Variants in ADCY2 observed in about 807,000 individuals in gnomAD.
The protein encoded by ADCY2 is adenylate cyclase type 2.
In ADCY2, 31 loss-of-function variants were observed where a neutral mutation model predicts 125.2. The ratio of observed to expected loss-of-function variants is 0.25; its 90% CI spans 0.19 to 0.33. The LOEUF (loss-of-function observed/expected upper bound fraction) is 0.33, where lower values mean the gene tolerates loss of function less well. Ranked by LOEUF, ADCY2 falls within the 10% of genes least tolerant of loss-of-function variation. The pLI, the probability that ADCY2 is intolerant of heterozygous loss-of-function variation, is 1.00. For synonymous variants in ADCY2, 512 were observed against 548.4 expected (o/e 0.93, Z 0.93); for missense variants, 904 against 1,418.2 (o/e 0.64, Z 5.82).
Position 7,461,707 on chromosome 5 carries a change from T to TGA in ADCY2, c.408+46938_408+46939insAG, listed in dbSNP as rs1299855999. Among the ~76,000 whole-genome samples the TGA allele has an allele frequency of 2.0e-5, 3 of 152,238 alleles. No individual in the cohort carries two copies. In the East Asian group the frequency reaches 5.8e-4, roughly 29 times the overall value. ...TAAAGAAGGAAATTCCTTACAGTTT[T>TGA]GGAATAGAAATTTATTAGATAAATC... On this transcript the variant is annotated intron_variant, in intron 2 of 24. Transcript: ENST00000338316.
chr5:7,523,124 A>C (rs1416861796), intron 3 of ADCY2, among the ~76,000 whole-genome samples: 4 of 152,146 alleles, frequency 2.6e-5, no homozygotes, highest in African/African-American at 9.7e-5. Flanking sequence ...CTGCTGGTGC[A>C]GATGTAATAG....
intron 19 of ADCY2, among the ~76,000 whole-genome samples, chr5:7,787,189 C>T (rs563018625): frequency 1.3e-5 from 2 of 152,176 alleles, no homozygotes; most frequent in Non-Finnish European, 2.9e-5. Context: ...GCGTGTCTCT[C>T]CCTGTTCCTC....
intron 2 of ADCY2, among the ~76,000 whole-genome samples, chr5:7,455,158 GT>G (rs1389488621): frequency 1.3e-5 from 2 of 152,122 alleles, no homozygotes; most frequent in Non-Finnish European, 2.9e-5. Flanking sequence ...CTCTTTGTGT[GT>G]TGTATATTGT....
At chr5:7,455,054 C>A (rs1360699790) in intron 2 of ADCY2, among the ~76,000 whole-genome samples, 1 of 152,080 alleles carries the variant, frequency 6.6e-6, no homozygotes, top group Non-Finnish European at 1.5e-5. Context: ...AACAGCTTTG[C>A]CAGAACTTTC....
At chr5:7,431,367 T>A (rs1247128359) in intron 2 of ADCY2, among the ~76,000 whole-genome samples, 1 of 152,174 alleles carries the variant, frequency 6.6e-6, no homozygotes, top group Non-Finnish European at 1.5e-5. Context: ...ACTTCTACTC[T>A]TACCTCACAC....
At chr5:7,728,368 T>C (rs1741996408) in intron 14 of ADCY2, among the ~76,000 whole-genome samples, 1 of 152,194 alleles carries the variant, frequency 6.6e-6, no homozygotes, top group Non-Finnish European at 1.5e-5. Context: ...GTGGTGAAAG[T>C]TTTGTTCATG....
intron 3 of ADCY2, among the ~76,000 whole-genome samples, chr5:7,616,607 C>A (rs1737770919): frequency 6.6e-6 from 1 of 152,280 alleles, no homozygotes. Flanking sequence ...ATTAAACCAT[C>A]ATGGGTAGTA....
At chr5:7,521,982 C>T (rs1337594804) in intron 3 of ADCY2, among the ~76,000 whole-genome samples, 1 of 152,052 alleles carries the variant, frequency 6.6e-6, no homozygotes, top group Non-Finnish European at 1.5e-5. Context: ...TTGGATATTA[C>T]TAAGAAGCAT....
At chr5:7,625,644 C>T (rs1738093473) in intron 3 of ADCY2, among the ~76,000 whole-genome samples, 1 of 152,130 alleles carries the variant, frequency 6.6e-6, no homozygotes, top group Non-Finnish European at 1.5e-5. Context: ...TCAGCAAATA[C>T]AGTTTTGGTG....
chr5:7,507,428 G>T (rs1335674649), intron 2 of ADCY2, among the ~76,000 whole-genome samples: 1 of 91,118 alleles, frequency 1.1e-5, no homozygotes. Context: ...GCGACAGAGC[G>T]AGACTCCGTC....
At chr5:7,471,143 C>G (rs1173020889) in intron 2 of ADCY2, among the ~76,000 whole-genome samples, 1 of 151,672 alleles carries the variant, frequency 6.6e-6, no homozygotes, top group Non-Finnish European at 1.5e-5. Flanking sequence ...CCTATCAATG[C>G]CTTTATATTT....
At chr5:7,640,176 A>G (rs186101667) in intron 4 of ADCY2, among the ~76,000 whole-genome samples, 39 of 152,340 alleles carry the variant, frequency 2.6e-4, no homozygotes, top group African/African-American at 8.9e-4. Context: ...TACTTAACAT[A>G]ATTATTATTC....
At chr5:7,817,043 C>T in intron 23 of ADCY2, 63 bp downstream of exon 23, 1 of 1,249,598 alleles carries the variant, frequency 8.0e-7, no homozygotes, top group Non-Finnish European at 1.2e-6. Context: ...AGGAGTAAGT[C>T]AGGAGATATT....
chr5:7,637,749 A>G (rs776755635), intron 4 of ADCY2, among the ~76,000 whole-genome samples: 2 of 152,218 alleles, frequency 1.3e-5, no homozygotes, highest in Non-Finnish European at 2.9e-5. Context: ...AAGTAAAAAT[A>G]TAAAATTAAA....
chr5:7,631,636 T>G (rs1738313986), intron 4 of ADCY2, among the ~76,000 whole-genome samples: 2 of 152,236 alleles, frequency 1.3e-5, no homozygotes, highest in Non-Finnish European at 2.9e-5. Flanking sequence ...AAGAAGGCAG[T>G]CAGTAGCTGT....
At chr5:7,816,719 T>C (rs1745123884) in intron 22 of ADCY2, 147 bp from the exon 23 acceptor site, 1 of 638,924 alleles carries the variant, frequency 1.6e-6, no homozygotes, top group Admixed American at 2.6e-5. Flanking sequence ...GAGATGGGAT[T>C]TGATTCTTAT....
chr5:7,432,082 G>A (rs910067145), intron 2 of ADCY2, among the ~76,000 whole-genome samples: 13 of 152,134 alleles, frequency 8.5e-5, no homozygotes, highest in African/African-American at 2.9e-4. Flanking sequence ...ACGTTGGAAA[G>A]AAGTGTCTTG....
At chr5:7,415,436 C>T (rs1327716915) in intron 2 of ADCY2, among the ~76,000 whole-genome samples, 3 of 152,166 alleles carry the variant, frequency 2.0e-5, no homozygotes, top group Non-Finnish European at 2.9e-5. Context: ...TTTTACATCT[C>T]GAACCACAGT....
chr5:7,761,849 A>G (rs1438102394), intron 16 of ADCY2, among the ~76,000 whole-genome samples: 1 of 152,242 alleles, frequency 6.6e-6, no homozygotes, highest in Non-Finnish European at 1.5e-5. Flanking sequence ...TTCTTTCAAC[A>G]GTAGCTACGA....
Sources: allele counts gnomAD v4.1 joint callset (sites outside exome capture counted in the v4.1 genomes callset), GRCh38; gene constraint gnomAD v4.1.1; transcripts MANE v1.5; gene names NCBI Gene and HGNC (gene_info 2026-07-23, HGNC 2026-07-21).